Variants in GTF2IRD2B observed in about 807,000 individuals in gnomAD.
The protein encoded by GTF2IRD2B is GTF2I repeat domain containing 2B, also known as general transcription factor II-I repeat domain-containing protein 2B.
GTF2IRD2B carries 10 observed loss-of-function variants against 55.6 expected under a neutral mutation model. That is an observed-to-expected ratio of 0.18 (90% CI 0.11 to 0.31). The LOEUF (loss-of-function observed/expected upper bound fraction) is 0.31. Ranked by LOEUF, GTF2IRD2B falls within the 10% of genes least tolerant of loss-of-function variation. The probability of loss-of-function intolerance (pLI) is 1.00; values close to 1 mark genes in which losing one functional copy is unlikely to be tolerated. For synonymous variants in GTF2IRD2B, 107 were observed against 320.5 expected (o/e 0.33, Z 7.12); for missense variants, 206 against 802.7 (o/e 0.26, Z 8.98).
chr7:75,104,326 C>T (rs1318073025), intron 1 of GTF2IRD2B, among the ~76,000 whole-genome samples: 22 of 152,184 alleles, frequency 1.4e-4, no homozygotes, highest in African/African-American at 1.7e-4. Context: ...ACCATGTTGG[C>T]CAGGCTGGTC....
intron 3 of GTF2IRD2B, among the ~76,000 whole-genome samples, chr7:75,118,485 T>C (rs1808250390): frequency 6.6e-6 from 1 of 151,410 alleles, no homozygotes; most frequent in Admixed American, 6.6e-5. Flanking sequence ...CATTCCTGGA[T>C]TTGCTCCCTC....
intron 1 of GTF2IRD2B, among the ~76,000 whole-genome samples, chr7:75,093,175 G>GC (rs1272474959): frequency 5.1e-4 from 77 of 150,930 alleles, no homozygotes; most frequent in Middle Eastern, 3.4e-3. Flanking sequence ...CCCCGGATCC[G>GC]CCCCCTGACG....
chr7:75,136,260 T>TA (rs1487494926), intron 10 of GTF2IRD2B, among the ~76,000 whole-genome samples: 1 of 141,626 alleles, frequency 7.1e-6, no homozygotes, highest in Non-Finnish European at 1.5e-5. Flanking sequence ...ATATCTGCCT[T>TA]AGAGAGATAG....
intron 1 of GTF2IRD2B, among the ~76,000 whole-genome samples, chr7:75,106,197 G>A (rs1336388746): frequency 3.9e-5 from 6 of 152,310 alleles, no homozygotes; most frequent in Non-Finnish European, 7.3e-5. Context: ...GAGGTCAGGA[G>A]TTTGAGACCA....
intron 1 of GTF2IRD2B, among the ~76,000 whole-genome samples, chr7:75,104,187 A>G (rs1295822476): frequency 7.2e-6 from 1 of 139,282 alleles, no homozygotes; most frequent in African/African-American, 2.7e-5. Flanking sequence ...CAGTGGCACA[A>G]TCTTGGCTCA....
intron 2 of GTF2IRD2B, 145 bp downstream of exon 2, chr7:75,109,208 G>A (rs1202043961): frequency 4.6e-5 from 26 of 564,878 alleles, no homozygotes; most frequent in African/African-American, 2.5e-4. Context: ...AGGCTGGAGT[G>A]CAGTGGCACA....
At chr7:75,122,817 G>T (rs587660166) in intron 4 of GTF2IRD2B, among the ~76,000 whole-genome samples, 1 of 150,056 alleles carries the variant, frequency 6.7e-6, no homozygotes, top group Non-Finnish European at 1.5e-5. Flanking sequence ...GCAGGCTAAG[G>T]TGGGTAGATC....
rs587734074 is a variant in GTF2IRD2B at position 75,118,454 on chromosome 7, C to T, written c.239-2437C>T. ...AAATCCTGTTTAATGAGGTCTGGAT[C>T]TCGGCCCTGGGGAGCCACCCCATTC... On this transcript the variant is annotated intron_variant, in intron 3 of 15. Coordinates refer to ENST00000472837, the MANE Select transcript of GTF2IRD2B (RefSeq NM_001003795.3). 2.1e-3 allele frequency among the ~76,000 whole-genome samples: 315 copies of T among 151,542 alleles called. 3 individuals carry two copies. Among genetic ancestry groups the T allele is most frequent in the Non-Finnish European group, 3.5e-3 (236 of 67,810 alleles).
chr7:75,104,891 CTT>C (rs1209428770), intron 1 of GTF2IRD2B, among the ~76,000 whole-genome samples: 155 of 152,348 alleles, frequency 1.0e-3, no homozygotes, highest in African/African-American at 3.5e-3. Context: ...AGAACAGAGT[CTT>C]TGCTATGAAA....
Position 75,112,643 on chromosome 7 carries a change from T to C in GTF2IRD2B, c.238+108T>C. ...ATCATAAGCATTCTCCTAGAAACGA[T>C]CCTAACACATCTTCTTGGATTCAGC... is the stretch of plus-strand genomic sequence containing the variant. On this transcript the variant is annotated intron_variant, in intron 3 of 15. Transcript: ENST00000472837. 1.3e-6 allele frequency: 2 copies of C among 1,549,574 alleles called. 1 individual carries two copies. The highest frequency in any genetic ancestry group is 1.8e-6 in the Non-Finnish European group (2 of 1,134,314).
chr7:75,118,340 C>A lies in GTF2IRD2B; in HGVS notation c.239-2551C>A, dbSNP rs587735505. On this transcript the variant is annotated intron_variant, in intron 3 of 15. Transcript: ENST00000472837. ...CACAGGGTAACTGTCTAGTGATTTC[C>A]ACCAGCACCCCCAGAAAGCAGGCCC... Among the ~76,000 whole-genome samples the A allele has an allele frequency of 2.6e-5, 4 of 151,130 alleles. No homozygotes were observed. In the South Asian group the frequency reaches 8.3e-4, roughly 32 times the overall value.
intron 6 of GTF2IRD2B, 39 bp downstream of exon 6, chr7:75,123,555 C>A: frequency 1.6e-6 from 1 of 613,736 alleles, no homozygotes; most frequent in Non-Finnish European, 3.0e-6. Flanking sequence ...CTCTTCTGAG[C>A]TGCTGAACCA....
chr7:75,136,312 T>C (rs1373759080), intron 10 of GTF2IRD2B, among the ~76,000 whole-genome samples: 3 of 148,442 alleles, frequency 2.0e-5, no homozygotes, highest in Admixed American at 6.7e-5. Flanking sequence ...TTTTTTTTTT[T>C]TTTTGAGACA....
At chr7:75,105,631 T>C (rs1239758417) in intron 1 of GTF2IRD2B, among the ~76,000 whole-genome samples, 5 of 152,306 alleles carry the variant, frequency 3.3e-5, no homozygotes, top group Non-Finnish European at 7.3e-5. Flanking sequence ...ATCCTACTGG[T>C]TCAGCATAGC....
chr7:75,102,244 G>A (rs1554421907), intron 1 of GTF2IRD2B, among the ~76,000 whole-genome samples: 4 of 151,170 alleles, frequency 2.6e-5, no homozygotes, highest in African/African-American at 4.9e-5. Context: ...CTTGTGATCC[G>A]TCCGCCTCGG....
At chr7:75,132,548 CTTTTTT>C (rs1159887977) in intron 8 of GTF2IRD2B, among the ~76,000 whole-genome samples, 9 of 85,308 alleles carry the variant, frequency 1.1e-4, no homozygotes, top group Non-Finnish European at 1.7e-4. Flanking sequence ...CTCCTTCCTT[CTTTTTT>C]TTTTTTTTTT....
intron 8 of GTF2IRD2B, among the ~76,000 whole-genome samples, chr7:75,132,857 C>T (rs1409817058): frequency 4.0e-5 from 6 of 148,578 alleles, no homozygotes; most frequent in African/African-American, 1.3e-4. Flanking sequence ...CCGGTCCCCT[C>T]CTTCCTTCTT....
chr7:75,139,591 A>T (rs2115844172), intron 12 of GTF2IRD2B, among the ~76,000 whole-genome samples: 1 of 122,662 alleles, frequency 8.2e-6, no homozygotes, highest in Middle Eastern at 4.2e-3. Flanking sequence ...CGGAGATCAC[A>T]CCACTGCACT....
intron 1 of GTF2IRD2B, among the ~76,000 whole-genome samples, chr7:75,103,414 T>G (rs2115686311): frequency 6.6e-6 from 1 of 151,392 alleles, no homozygotes; most frequent in East Asian, 1.9e-4. Flanking sequence ...CTTCCTAAGC[T>G]GGCGTCACCT....
Sources: gnomAD v4.1 joint callset for allele counts (sites outside exome capture counted in the v4.1 genomes callset) on GRCh38, gnomAD v4.1.1 for gene constraint, MANE v1.5 for transcripts, NCBI Gene and HGNC (gene_info 2026-07-23, HGNC 2026-07-21) for gene names.